The following NDUFAF2 variants were observed in gnomAD, a reference collection of about 807,000 sequenced individuals.
The protein encoded by NDUFAF2 is NADH:ubiquinone oxidoreductase complex assembly factor 2, also known as NADH dehydrogenase [ubiquinone] 1 alpha subcomplex assembly factor 2.
A neutral mutation model predicts 22.8 loss-of-function variants in NDUFAF2; 13 were observed. The observed-to-expected ratio is 0.57, with a 90% CI of 0.37 to 0.91. The LOEUF (loss-of-function observed/expected upper bound fraction) is 0.91. Ranked by LOEUF, NDUFAF2 falls within the 40% of genes least tolerant of loss-of-function variation. The pLI, the probability that NDUFAF2 is intolerant of heterozygous loss-of-function variation, is 0.01. For missense variants in NDUFAF2, 162 were observed against 195.2 expected, an observed-to-expected ratio of 0.83 and a Z score of 1.01; for synonymous variants, 53 against 64.2, an observed-to-expected ratio of 0.83 and a Z score of 0.84.
intron 3 of NDUFAF2, among the ~76,000 whole-genome samples, chr5:61,113,071 T>C (rs1752865899): frequency 6.6e-6 from 1 of 152,098 alleles, no homozygotes; most frequent in South Asian, 2.1e-4. Flanking sequence ...GTTTCTTAAG[T>C]TTTGTTGTTT....
intron 2 of NDUFAF2, among the ~76,000 whole-genome samples, chr5:61,096,208 T>C (rs1411091288): frequency 6.6e-6 from 1 of 152,142 alleles, no homozygotes; most frequent in African/African-American, 2.4e-5. Context: ...AAAGAGTAAA[T>C]ACCCCAAAAG....
chr5:61,013,245 A>G (rs1424089914), intron 1 of NDUFAF2, among the ~76,000 whole-genome samples: 1 of 152,118 alleles, frequency 6.6e-6, no homozygotes, highest in African/African-American at 2.4e-5. Flanking sequence ...AAAATATGGT[A>G]GTACAATTTT....
chr5:61,046,651 A>G (rs1439171035), intron 1 of NDUFAF2, among the ~76,000 whole-genome samples: 4 of 152,152 alleles, frequency 2.6e-5, no homozygotes, highest in Non-Finnish European at 5.9e-5. Context: ...AAGAATTTGC[A>G]TATGTGTTTT....
intron 3 of NDUFAF2, among the ~76,000 whole-genome samples, chr5:61,134,541 C>G (rs1740879662): frequency 6.6e-6 from 1 of 152,082 alleles, no homozygotes; most frequent in African/African-American, 2.4e-5. Context: ...AAAAAATTAG[C>G]CGGACGTGGT....
At chr5:61,101,231 G>A (rs1752701971) in intron 3 of NDUFAF2, among the ~76,000 whole-genome samples, 1 of 151,978 alleles carries the variant, frequency 6.6e-6, no homozygotes, top group African/African-American at 2.4e-5. Context: ...TTCCACCCAG[G>A]TCAAGAAACA....
chr5:61,038,512 T>G (rs1751830951), intron 1 of NDUFAF2, among the ~76,000 whole-genome samples: 1 of 152,170 alleles, frequency 6.6e-6, no homozygotes, highest in African/African-American at 2.4e-5. Context: ...AAAAAGAATT[T>G]TGGCATAGTT....
chr5:61,076,605 G>A (rs1470339309), intron 2 of NDUFAF2, among the ~76,000 whole-genome samples: 1 of 152,214 alleles, frequency 6.6e-6, no homozygotes, highest in African/African-American at 2.4e-5. Flanking sequence ...TAATAGGATT[G>A]TGAATCTGGG....
chr5:60,985,095 A>C (rs1751053587), intron 1 of NDUFAF2, among the ~76,000 whole-genome samples: 1 of 152,172 alleles, frequency 6.6e-6, no homozygotes, highest in South Asian at 2.1e-4. Flanking sequence ...CTATTCAGAG[A>C]TTCAGCTTCT....
At chr5:60,967,274 G>A (rs930568490) in intron 1 of NDUFAF2, among the ~76,000 whole-genome samples, 1 of 151,778 alleles carries the variant, frequency 6.6e-6, no homozygotes, top group Admixed American at 6.6e-5. Flanking sequence ...ATAACATCTT[G>A]TTGTCTGTTA....
At chr5:61,045,583 C>A (rs1015413172) in intron 1 of NDUFAF2, among the ~76,000 whole-genome samples, 1 of 151,980 alleles carries the variant, frequency 6.6e-6, no homozygotes, top group East Asian at 1.9e-4. Context: ...AAGCTGTCCT[C>A]CCACCTTGGC....
intron 3 of NDUFAF2, among the ~76,000 whole-genome samples, chr5:61,138,084 C>T (rs1408210947): frequency 6.6e-6 from 1 of 152,254 alleles, no homozygotes; most frequent in African/African-American, 2.4e-5. Flanking sequence ...ACAGCATTCA[C>T]TGCAGCTGGG....
rs74905963 is a variant in NDUFAF2, at chr5:60,997,198, T to C, written c.127+51816T>C. Among the ~76,000 whole-genome samples the C allele has an allele frequency of 5.2e-3, 796 of 152,276 alleles. 10 individuals carry two copies. The highest frequency in any genetic ancestry group is 0.018 in the African/African-American group (753 of 41,554). On this transcript the variant is annotated intron_variant, in intron 1 of 3. Coordinates refer to ENST00000296597, the MANE Select transcript of NDUFAF2 (RefSeq NM_174889.5). The stretch of plus-strand genomic sequence containing the variant: ...TGCATATTAACAGCAGTAGCCCAAA[T>C]AGTGTGTTATAAATGTGGCTTATGT...
chr5:61,028,039 G>A (rs1301016990), intron 1 of NDUFAF2, among the ~76,000 whole-genome samples: 2 of 151,960 alleles, frequency 1.3e-5, no homozygotes, highest in Admixed American at 6.6e-5. Flanking sequence ...GTAAACAAAT[G>A]AGTATATAAT....
chr5:60,968,332 C>G (rs897440072), intron 1 of NDUFAF2, among the ~76,000 whole-genome samples: 2 of 151,686 alleles, frequency 1.3e-5, no homozygotes. Context: ...TCTCCATTTC[C>G]TTTTTATCTG....
intron 1 of NDUFAF2, among the ~76,000 whole-genome samples, chr5:61,007,310 G>A (rs1050675821): frequency 6.1e-4 from 92 of 151,962 alleles, no homozygotes; most frequent in African/African-American, 2.2e-3. Context: ...GTAAGGAAGG[G>A]ATCCAGTTTC....
At chr5:61,140,561 A>G (rs1741038428) in intron 3 of NDUFAF2, among the ~76,000 whole-genome samples, 1 of 152,240 alleles carries the variant, frequency 6.6e-6, no homozygotes, top group Non-Finnish European at 1.5e-5. Flanking sequence ...TGTATGTCCC[A>G]TATAATTTTT....
intron 1 of NDUFAF2, among the ~76,000 whole-genome samples, chr5:61,008,545 G>A (rs1238036807): frequency 6.6e-6 from 1 of 152,070 alleles, no homozygotes; most frequent in Non-Finnish European, 1.5e-5. Context: ...TTGCTTAAAT[G>A]CACTGAGCTT....
chr5:61,102,372 A>G (rs1752714546), intron 3 of NDUFAF2, among the ~76,000 whole-genome samples: 3 of 152,306 alleles, frequency 2.0e-5, no homozygotes, highest in Admixed American at 6.5e-5. Context: ...CAAAAAGTAG[A>G]TACTGTACAA....
chr5:61,086,356 C>T (rs888920802), intron 2 of NDUFAF2, among the ~76,000 whole-genome samples: 1 of 152,068 alleles, frequency 6.6e-6, no homozygotes, highest in Admixed American at 6.6e-5. Flanking sequence ...ACCTAGAATA[C>T]TCAAAACTTT....
Sources: gnomAD v4.1 joint callset for allele counts (sites outside exome capture counted in the v4.1 genomes callset) on GRCh38, gnomAD v4.1.1 for gene constraint, MANE v1.5 for transcripts, NCBI Gene and HGNC (gene_info 2026-07-23, HGNC 2026-07-21) for gene names.